The following ACSS3 variants were observed in gnomAD, a reference collection of about 807,000 sequenced individuals.
ACSS3 encodes acyl-CoA synthetase short-chain family member 3, mitochondrial.
Under a neutral mutation model 84.2 loss-of-function variants are expected in ACSS3, and 64 were observed. The ratio of observed to expected loss-of-function variants is 0.76; its 90% CI spans 0.62 to 0.94. ACSS3 has a LOEUF of 0.94. Among genes scored for constraint, ACSS3 ranks in the 40% least tolerant of loss-of-function variants. The probability of loss-of-function intolerance (pLI) is 0.00; values close to 1 mark genes in which losing one functional copy is unlikely to be tolerated. For synonymous variants in ACSS3, 317 were observed against 310.1 expected, an observed-to-expected ratio of 1.02 and a Z score of -0.23; for missense variants, 815 against 867.6, an observed-to-expected ratio of 0.94 and a Z score of 0.76.
At chr12:81,127,433 C>A (rs1885175524) in intron 2 of ACSS3, among the ~76,000 whole-genome samples, 1 of 152,016 alleles carries the variant, frequency 6.6e-6, no homozygotes, top group Non-Finnish European at 1.5e-5. Flanking sequence ...AAATTTTAAT[C>A]TTTTCAATGG....
At chr12:81,229,183 G>A (rs748707920) in intron 11 of ACSS3, among the ~76,000 whole-genome samples, 9 of 151,472 alleles carry the variant, frequency 5.9e-5, no homozygotes, top group Non-Finnish European at 1.2e-4. Flanking sequence ...GTCAAAAATG[G>A]CACCATAAAA....
At chr12:81,233,830 T>C (rs1015467174) in intron 13 of ACSS3, among the ~76,000 whole-genome samples, 4 of 151,630 alleles carry the variant, frequency 2.6e-5, no homozygotes, top group African/African-American at 7.3e-5. Flanking sequence ...GGATTAAACA[T>C]TTTATTGTAC....
At chr12:81,163,079 C>G (rs998661013) in intron 7 of ACSS3, among the ~76,000 whole-genome samples, 3 of 152,002 alleles carry the variant, frequency 2.0e-5, no homozygotes, top group African/African-American at 7.3e-5. Context: ...AAGTTGTCTC[C>G]ACAGTAACCA....
intron 15 of ACSS3, 48 bp from the exon 16 acceptor site, chr12:81,254,809 G>A (rs2034254311): frequency 1.4e-6 from 2 of 1,390,140 alleles, no homozygotes; most frequent in Admixed American, 3.9e-5. Flanking sequence ...AGAAAGAGTA[G>A]AAGAAATTCA....
chr12:81,174,636 T>G, intron 7 of ACSS3, 152 bp from the exon 8 acceptor site: 2 of 822,698 alleles, frequency 2.4e-6, no homozygotes, highest in South Asian at 5.4e-5. Flanking sequence ...TTGGTTTGCT[T>G]TATTTGTGAT....
intron 2 of ACSS3, among the ~76,000 whole-genome samples, chr12:81,132,508 T>A (rs1460032582): frequency 6.6e-6 from 1 of 152,214 alleles, no homozygotes; most frequent in Non-Finnish European, 1.5e-5. Context: ...GTCTATTTGA[T>A]TCTTCTCTCT....
chr12:81,108,824 A>G (rs1230491245), intron 1 of ACSS3, among the ~76,000 whole-genome samples: 1 of 152,170 alleles, frequency 6.6e-6, no homozygotes, highest in Non-Finnish European at 1.5e-5. Context: ...ATTTTACTAA[A>G]AATTTGGCAT....
chr12:81,190,334 G>A (rs1026946314), intron 8 of ACSS3, among the ~76,000 whole-genome samples: 2 of 152,020 alleles, frequency 1.3e-5, no homozygotes, highest in African/African-American at 4.8e-5. Context: ...GGCTTACTGT[G>A]TGAAAATCTT....
At position 81,254,844 on chromosome 12, in the gene ACSS3, A is replaced by AT. The variant is rs750489121; in HGVS notation, c.1996-5dup. 52 of 1,597,880 alleles carry AT rather than the reference A, an allele frequency of 3.3e-5. No individual in the cohort carries two copies. The Middle Eastern group carries it at 5.0e-4, about 15-fold the overall frequency. ...AAGGAAGAGTATTCACCTGACCCTA[A>AT]TTTTTTTTCCAGATAACTTCTACAA... is the stretch of plus-strand genomic sequence containing the variant. On this transcript the variant is annotated splice_polypyrimidine_tract_variant and intron_variant, in intron 15 of 15. Transcript: ENST00000548058.
intron 8 of ACSS3, among the ~76,000 whole-genome samples, chr12:81,178,923 G>A (rs908284277): frequency 1.3e-5 from 2 of 152,078 alleles, no homozygotes; most frequent in African/African-American, 2.4e-5. Context: ...AACTAAAATG[G>A]CATAGTACTG....
At chr12:81,218,532 T>G (rs886710439) in intron 10 of ACSS3, among the ~76,000 whole-genome samples, 3 of 152,194 alleles carry the variant, frequency 2.0e-5, no homozygotes, top group Admixed American at 1.3e-4. Flanking sequence ...GATTTTTTTT[T>G]TATTCAAGGC....
At chr12:81,191,774 G>GAAA (rs2031581102) in intron 8 of ACSS3, among the ~76,000 whole-genome samples, 1 of 151,700 alleles carries the variant, frequency 6.6e-6, no homozygotes, top group East Asian at 1.9e-4. Context: ...CACAGGCTCT[G>GAAA]TTTGATGATT....
chr12:81,134,967 C>T lies in ACSS3; in HGVS notation c.608C>T (p.Ala203Val). 2.5e-6 allele frequency: 4 copies of T among 1,605,326 alleles called. No homozygotes were observed. Among genetic ancestry groups the T allele is most frequent in the Non-Finnish European group, 3.4e-6 (4 of 1,175,156 alleles). The change falls in exon 3 of 16, where the codon GCT becomes GTT. Residue 203 changes from alanine (A) to valine (V), a missense_variant. Coordinates refer to ENST00000548058, the MANE Select transcript of ACSS3 (RefSeq NM_024560.4). Reference sequence around the variant, plus strand: ...CACAGTCTCATATTTGGAGGATTTGCTTCCAAAGAACTAAGTAGTCGCATT... The same window carrying T: ...CACAGTCTCATATTTGGAGGATTTGTTTCCAAAGAACTAAGTAGTCGCATT... ...AIHSLIFGGF[A>V]SKELSSRIDH...
At chr12:81,142,060 C>G (rs984126842) in intron 4 of ACSS3, among the ~76,000 whole-genome samples, 3 of 151,984 alleles carry the variant, frequency 2.0e-5, no homozygotes, top group Non-Finnish European at 2.9e-5. Context: ...TTTTTACAAC[C>G]CTGATTAATG....
chr12:81,124,388 T>C (rs1884903667), intron 2 of ACSS3: 1 of 152,200 alleles, frequency 6.6e-6, no homozygotes, highest in Admixed American at 6.5e-5. Flanking sequence ...ACCACACAAC[T>C]CGTCTCTTAC....
At chr12:81,126,991 A>G (rs1441340822) in intron 2 of ACSS3, among the ~76,000 whole-genome samples, 2 of 151,784 alleles carry the variant, frequency 1.3e-5, no homozygotes, top group Non-Finnish European at 2.9e-5. Flanking sequence ...ATTTAATACA[A>G]TGCGATTCTT....
At chr12:81,157,722 G>A (rs992465401) in intron 7 of ACSS3, among the ~76,000 whole-genome samples, 3 of 151,974 alleles carry the variant, frequency 2.0e-5, no homozygotes, top group African/African-American at 4.8e-5. Context: ...CAAGAGAATC[G>A]CTTGAACCCA....
chr12:81,194,489 C>A (rs973232463), intron 8 of ACSS3, among the ~76,000 whole-genome samples: 1 of 151,656 alleles, frequency 6.6e-6, no homozygotes. Context: ...TTTTCTAAAC[C>A]ACTAATGATC....
At position 81,145,191 on chromosome 12, in the gene ACSS3, C is replaced by T. The variant is rs183640344; in HGVS notation, c.921+1944C>T. ...TCGGCCTCCCAAAGTGCTGGGATTACAGGCATGAGCCACTGCGCCCGGCCC... is the reference window on the plus strand; with the variant it reads ...TCGGCCTCCCAAAGTGCTGGGATTATAGGCATGAGCCACTGCGCCCGGCCC... On this transcript the variant is annotated intron_variant, in intron 5 of 15. Transcript: ENST00000548058. 4.7e-5 allele frequency among the ~76,000 whole-genome samples: 7 copies of T among 150,324 alleles called. No individual in the cohort carries two copies. In the East Asian group the frequency reaches 1.2e-3, roughly 26 times the overall value.
Sources: gnomAD v4.1 joint callset for allele counts (sites outside exome capture counted in the v4.1 genomes callset) on GRCh38, gnomAD v4.1.1 for gene constraint, MANE v1.5 for transcripts, NCBI Gene and HGNC (gene_info 2026-07-23, HGNC 2026-07-21) for gene names.